IRAG1: variants seen among roughly 807,000 people sequenced by gnomAD.
The protein encoded by IRAG1 is IP3R-associated cGMP kinase substrate.
Under a neutral mutation model 106.2 loss-of-function variants are expected in IRAG1, and 62 were observed. That is an observed-to-expected ratio of 0.58 (90% confidence interval 0.48 to 0.72). The LOEUF is 0.72. Among genes scored for constraint, IRAG1 ranks in the 30% least tolerant of loss-of-function variants. IRAG1 has a pLI of 0.00. For synonymous variants in IRAG1, 462 were observed against 443.9 expected (o/e 1.04, Z -0.51); for missense variants, 1,064 against 1,140.7 (o/e 0.93, Z 0.97).
chr11:10,603,371 TG>T, intron 13 of IRAG1, 120 bp from the exon 14 acceptor site: 1 of 1,119,354 alleles, frequency 8.9e-7, no homozygotes, highest in Non-Finnish European at 1.3e-6. Flanking sequence ...ACAAACCTGG[TG>T]GGGGCGATGG....
chr11:10,596,862 G>A (rs1591574922), intron 15 of IRAG1, among the ~76,000 whole-genome samples: 1 of 152,158 alleles, frequency 6.6e-6, no homozygotes, highest in Non-Finnish European at 1.5e-5. Flanking sequence ...AGTATTAGTG[G>A]CTGATAACAA....
intron 2 of IRAG1, among the ~76,000 whole-genome samples, chr11:10,649,208 A>C (rs1327028438): frequency 2.0e-5 from 3 of 152,218 alleles, no homozygotes; most frequent in South Asian, 4.1e-4. Flanking sequence ...GGTGGGTGCA[A>C]TAGTGGGAGA....
intron 15 of IRAG1, among the ~76,000 whole-genome samples, chr11:10,600,262 C>T (rs1248330833): frequency 6.6e-6 from 1 of 152,214 alleles, no homozygotes; most frequent in Non-Finnish European, 1.5e-5. Context: ...AACTTCTAAA[C>T]AAGAGTATTT....
chr11:10,590,205 G>A (rs946699210), intron 18 of IRAG1, among the ~76,000 whole-genome samples: 5 of 152,310 alleles, frequency 3.3e-5, no homozygotes, highest in African/African-American at 1.2e-4. Context: ...GTAAGTTTCT[G>A]TAAACTCGGT....
At chr11:10,649,737 G>A (rs1435760675) in intron 2 of IRAG1, among the ~76,000 whole-genome samples, 1 of 152,134 alleles carries the variant, frequency 6.6e-6, no homozygotes, top group Non-Finnish European at 1.5e-5. Context: ...TTGCCACAAT[G>A]GGGGGAGGGT....
intron 11 of IRAG1, among the ~76,000 whole-genome samples, chr11:10,609,171 C>G (rs1234410775): frequency 6.6e-6 from 1 of 152,178 alleles, no homozygotes; most frequent in African/African-American, 2.4e-5. Flanking sequence ...ATCACAGAGG[C>G]CTTTCCTTGA....
At chr11:10,651,360 T>A (rs756548563) in intron 2 of IRAG1, among the ~76,000 whole-genome samples, 1 of 152,224 alleles carries the variant, frequency 6.6e-6, no homozygotes, top group African/African-American at 2.4e-5. Context: ...TAAAGTAAAA[T>A]GTGAAGAGCG....
chr11:10,609,023 C>T (rs942410279), intron 11 of IRAG1, among the ~76,000 whole-genome samples: 4 of 152,180 alleles, frequency 2.6e-5, no homozygotes, highest in African/African-American at 9.7e-5. Flanking sequence ...TCCAACTTCA[C>T]TCTTTTGTAT....
At chr11:10,686,808 A>G (rs1003997459) in intron 1 of IRAG1, among the ~76,000 whole-genome samples, 13 of 152,222 alleles carry the variant, frequency 8.5e-5, no homozygotes, top group African/African-American at 1.2e-4. Flanking sequence ...TGCATGGCTA[A>G]AGTACAGATT....
In IRAG1 at chr11:10,593,497, C is replaced by A; in HGVS notation, c.2170G>T (p.Ala724Ser). The A allele has an allele frequency of 6.2e-7, 1 of 1,611,126 alleles. No homozygotes were observed. The highest frequency in any genetic ancestry group is 8.5e-7 in the Non-Finnish European group (1 of 1,177,390). The part of the protein sequence containing the change: ...PSSSSIPSLP[A>S]LSESPNGKGS... Reference sequence around the variant, plus strand: ...GCAGACATCGTCATACTTACCAAGGCTGGTAAGGAGGGAATGGATGATGAG... The same window carrying A: ...GCAGACATCGTCATACTTACCAAGGATGGTAAGGAGGGAATGGATGATGAG... Residue 724 changes from alanine (A) to serine (S), a missense_variant, in exon 17 of 21, where the codon GCC becomes TCC. Transcript: ENST00000423302.
chr11:10,625,974 G>C lies in IRAG1; in HGVS notation c.1360C>G (p.Leu454Val). 2.0e-6 allele frequency: 3 copies of C among 1,479,736 alleles called. No homozygotes were observed. The highest frequency in any genetic ancestry group is 2.7e-6 in the Non-Finnish European group (3 of 1,114,874). The allele number at this position is 1,479,736 out of a possible 1,614,324, so 91.7% of individuals were successfully genotyped here. ...GGCCCCCAGGAACCCACCTCTCGGAGCTTGGTCAGTTTCTGCATCCGCACG... is the reference window on the plus strand; with the variant it reads ...GGCCCCCAGGAACCCACCTCTCGGACCTTGGTCAGTTTCTGCATCCGCACG... ...QPVRMQKLTKLREEHILMRNQ... is the reference protein window; with the variant it reads ...QPVRMQKLTKVREEHILMRNQ... The change falls in exon 9 of 21, where the codon CTC becomes GTC. Residue 454 changes from leucine (L) to valine (V), a missense_variant. Physicochemically the swap from Leu to Val is conservative, Grantham distance 32 (BLOSUM62 1). Coordinates refer to ENST00000423302, the MANE Select transcript of IRAG1 (RefSeq NM_130385.4).
At chr11:10,600,780 C>G in intron 15 of IRAG1, 138 bp downstream of exon 15, 1 of 1,165,320 alleles carries the variant, frequency 8.6e-7, no homozygotes, top group Non-Finnish European at 1.2e-6. Flanking sequence ...CTGGGAGGCC[C>G]CTGTGGGCAG....
At chr11:10,639,189 G>T (rs1857341787) in intron 2 of IRAG1, among the ~76,000 whole-genome samples, 3 of 152,146 alleles carry the variant, frequency 2.0e-5, no homozygotes, top group Admixed American at 2.0e-4. Context: ...CAAAGTGCTG[G>T]GATTACAGGC....
At chr11:10,608,438 T>A (rs1022376537) in intron 11 of IRAG1, among the ~76,000 whole-genome samples, 4 of 151,808 alleles carry the variant, frequency 2.6e-5, no homozygotes, top group Non-Finnish European at 5.9e-5. Flanking sequence ...AGTTAGAACA[T>A]ACCCACCTTA....
intron 1 of IRAG1, among the ~76,000 whole-genome samples, chr11:10,682,884 T>C (rs113169632): frequency 3.2e-4 from 49 of 152,300 alleles, no homozygotes; most frequent in African/African-American, 1.1e-3. Flanking sequence ...CCATGACTGA[T>C]TGACCCTGAT....
intron 10 of IRAG1, among the ~76,000 whole-genome samples, chr11:10,617,913 G>A (rs559497345): frequency 2.0e-5 from 3 of 146,924 alleles, no homozygotes; most frequent in African/African-American, 8.2e-5. Flanking sequence ...AGCCTCTGCT[G>A]TTTCAGGCCA....
intron 1 of IRAG1, among the ~76,000 whole-genome samples, chr11:10,668,710 G>A (rs1390572): frequency 0.21 from 32,208 of 152,192 alleles, 4,877 homozygotes; most frequent in East Asian, 0.81. Context: ...AGACACTCAA[G>A]GATCTTCATG....
At chr11:10,688,251 A>G (rs970594407) in intron 1 of IRAG1, among the ~76,000 whole-genome samples, 1 of 152,146 alleles carries the variant, frequency 6.6e-6, no homozygotes, top group Admixed American at 6.5e-5. Context: ...CGGTCACTCC[A>G]GGGTCCACAC....
rs1343191581 is a variant in IRAG1 at position 10,574,853 on chromosome 11, G to A, written c.*1479C>T. On this transcript the variant is annotated 3_prime_UTR_variant, in exon 21 of 21. Coordinates refer to ENST00000423302, the MANE Select transcript of IRAG1 (RefSeq NM_130385.4). ...CCCTGGGGTTGAGCTCCAGCCCCAT[G>A]ATTTACTACCGGGGTGTCCTTGTCA... is the stretch of plus-strand genomic sequence containing the variant. The A allele has an allele frequency of 6.6e-6, 1 of 152,186 alleles. No individual in the cohort carries two copies. Among genetic ancestry groups the A allele is most frequent in the Non-Finnish European group, 1.5e-5 (1 of 68,026 alleles). 9.4% of individuals were successfully genotyped at this position (152,186 alleles called of 1,614,324 possible).
Sources: allele counts gnomAD v4.1 joint callset (sites outside exome capture counted in the v4.1 genomes callset), GRCh38; gene constraint gnomAD v4.1.1; transcripts MANE v1.5; gene names NCBI Gene and HGNC (gene_info 2026-07-23, HGNC 2026-07-21).